Variants in BCAS3 observed in about 807,000 individuals in gnomAD.
The protein encoded by BCAS3 is BCAS4/BCAS3 fusion.
Under a neutral mutation model 116.1 loss-of-function variants are expected in BCAS3, and 53 were observed. That is an observed-to-expected ratio of 0.46 (90% CI 0.37 to 0.57). The LOEUF (loss-of-function observed/expected upper bound fraction) is 0.57, where lower values mean the gene tolerates loss of function less well. BCAS3 is among the 20% of genes least tolerant of loss of function. The pLI, the probability that BCAS3 is intolerant of heterozygous loss-of-function variation, is 0.00. For synonymous variants in BCAS3, 391 were observed against 408.2 expected (o/e 0.96, Z 0.51); for missense variants, 917 against 1,165.4 (o/e 0.79, Z 3.10).
intron 15 of BCAS3, among the ~76,000 whole-genome samples, chr17:61,005,066 G>A (rs1031191541): frequency 2.0e-5 from 3 of 151,996 alleles, no homozygotes; most frequent in Non-Finnish European, 4.4e-5. Flanking sequence ...AAAGTGTTTC[G>A]GCTTGACAGG....
chr17:60,966,987 T>G (rs2061695862), intron 14 of BCAS3, among the ~76,000 whole-genome samples: 1 of 152,176 alleles, frequency 6.6e-6, no homozygotes, highest in South Asian at 2.1e-4. Context: ...TTTATATTTT[T>G]TGTATTACCT....
chr17:60,811,925 C>T (rs561261099), intron 7 of BCAS3, among the ~76,000 whole-genome samples: 50 of 152,178 alleles, frequency 3.3e-4, no homozygotes, highest in South Asian at 1.5e-3. Flanking sequence ...TGATGGCACA[C>T]GCCTGTGGTC....
At chr17:60,788,561 G>A (rs2046484028) in intron 6 of BCAS3, among the ~76,000 whole-genome samples, 1 of 152,108 alleles carries the variant, frequency 6.6e-6, no homozygotes, top group African/African-American at 2.4e-5. Context: ...GATATTTGAG[G>A]GAAATGGCAA....
chr17:60,802,371 C>CATATAT (rs533515914), intron 6 of BCAS3, among the ~76,000 whole-genome samples: 6,164 of 111,892 alleles, frequency 0.055, 538 homozygotes, highest in African/African-American at 0.22. Flanking sequence ...TACATACATA[C>CATATAT]ATATATATAT....
At chr17:61,046,037 ATAT>A (rs2068228106) in intron 19 of BCAS3, among the ~76,000 whole-genome samples, 1 of 12,662 alleles carries the variant, frequency 7.9e-5, no homozygotes, top group Non-Finnish European at 1.1e-4. Context: ...ATATATATTT[ATAT>A]ATATATAATA....
At chr17:60,997,259 G>A (rs780951910) in intron 15 of BCAS3, among the ~76,000 whole-genome samples, 6 of 152,124 alleles carry the variant, frequency 3.9e-5, no homozygotes, top group South Asian at 2.1e-4. Context: ...GCCACAGACC[G>A]GTACCAGTCC....
Position 61,016,703 on chromosome 17 carries a change from T to G in BCAS3, c.1637+802T>G, listed in dbSNP as rs78405858. Among the ~76,000 whole-genome samples the G allele has an allele frequency of 4.3e-3, 661 of 152,354 alleles. 1 individual carries two copies. The highest frequency in any genetic ancestry group is 6.7e-3 in the Non-Finnish European group (456 of 68,028). On this transcript the variant is annotated intron_variant, in intron 16 of 23. Coordinates refer to ENST00000407086, the MANE Select transcript of BCAS3 (RefSeq NM_017679.5). Reference sequence around the variant, plus strand: ...TAATCTAATTTGAAATGAAACAACTTTTTTACATTTCTGTATTAAAGTAGT... The same window carrying G: ...TAATCTAATTTGAAATGAAACAACTGTTTTACATTTCTGTATTAAAGTAGT...
chr17:60,927,037 A>G (rs2059397192), intron 13 of BCAS3, among the ~76,000 whole-genome samples: 1 of 152,102 alleles, frequency 6.6e-6, no homozygotes, highest in Non-Finnish European at 1.5e-5. Context: ...TCCTCCTACA[A>G]AGAGATCAGA....
chr17:61,299,251 G>A (rs1451061192), intron 22 of BCAS3, among the ~76,000 whole-genome samples: 1 of 151,850 alleles, frequency 6.6e-6, no homozygotes, highest in African/African-American at 2.4e-5. Context: ...AGACCATCCT[G>A]GTTAACACGG....
intron 6 of BCAS3, among the ~76,000 whole-genome samples, chr17:60,779,012 G>T (rs1432203274): frequency 1.3e-5 from 2 of 152,088 alleles, no homozygotes; most frequent in Non-Finnish European, 2.9e-5. Flanking sequence ...TACACTTTGG[G>T]TTAATATGGC....
intron 14 of BCAS3, among the ~76,000 whole-genome samples, chr17:60,986,154 C>T (rs560214324): frequency 6.6e-6 from 1 of 152,336 alleles, no homozygotes; most frequent in Admixed American, 6.5e-5. Flanking sequence ...CATGTTGTTG[C>T]AAATGACAGG....
At chr17:60,936,619 G>C (rs376159949) in intron 13 of BCAS3, among the ~76,000 whole-genome samples, 13,674 of 151,564 alleles carry the variant, frequency 0.09, 2,060 homozygotes, top group African/African-American at 0.31. Flanking sequence ...GTGATGATGA[G>C]CATTTTTTCA....
chr17:61,015,162 G>A (rs538036434), intron 15 of BCAS3, among the ~76,000 whole-genome samples: 3 of 152,342 alleles, frequency 2.0e-5, no homozygotes, highest in East Asian at 3.9e-4. Flanking sequence ...TGTGTTGGAT[G>A]TAAGGACCTA....
intron 4 of BCAS3, among the ~76,000 whole-genome samples, chr17:60,704,238 T>TG (rs1213146707): frequency 2.0e-5 from 3 of 152,096 alleles, no homozygotes; most frequent in East Asian, 3.9e-4. Context: ...TGCCCTATTC[T>TG]GGGAAAAAAA....
At chr17:60,876,860 T>C (rs1205184298) in intron 9 of BCAS3, among the ~76,000 whole-genome samples, 2 of 152,098 alleles carry the variant, frequency 1.3e-5, no homozygotes, top group African/African-American at 4.8e-5. Flanking sequence ...AGTTTTACCA[T>C]GGAAGGCATA....
intron 16 of BCAS3, among the ~76,000 whole-genome samples, chr17:61,031,056 T>C (rs1448572295): frequency 6.6e-6 from 1 of 152,016 alleles, no homozygotes; most frequent in Non-Finnish European, 1.5e-5. Context: ...ACTTAATAAA[T>C]GATTAAATAA....
At chr17:61,277,674 A>G (rs1344860163) in intron 22 of BCAS3, among the ~76,000 whole-genome samples, 1 of 152,208 alleles carries the variant, frequency 6.6e-6, no homozygotes, top group East Asian at 1.9e-4. Context: ...CCAATTAAAA[A>G]TGGGCAAAGG....
At chr17:60,889,319 C>G (rs2056971681) in intron 9 of BCAS3, among the ~76,000 whole-genome samples, 1 of 152,070 alleles carries the variant, frequency 6.6e-6, no homozygotes, top group South Asian at 2.1e-4. Flanking sequence ...ATTCCTGAAC[C>G]CATCATATCA....
At chr17:60,726,654 T>A (rs972206035) in intron 5 of BCAS3, among the ~76,000 whole-genome samples, 3 of 151,948 alleles carry the variant, frequency 2.0e-5, no homozygotes, top group African/African-American at 7.3e-5. Context: ...GGACTACAGA[T>A]GCCCGCCATC....
Sources: allele counts gnomAD v4.1 joint callset (sites outside exome capture counted in the v4.1 genomes callset), GRCh38; gene constraint gnomAD v4.1.1; transcripts MANE v1.5; gene names NCBI Gene and HGNC (gene_info 2026-07-23, HGNC 2026-07-21).